Variants in IL1RL1 observed in about 807,000 individuals in gnomAD.
IL1RL1 encodes the protein interleukin-1 receptor-like 1.
A neutral mutation model predicts 50.9 loss-of-function variants in IL1RL1; 32 were observed. That is an observed-to-expected ratio of 0.63 (90% CI 0.47 to 0.84). The LOEUF (loss-of-function observed/expected upper bound fraction) is 0.84, where lower values mean the gene tolerates loss of function less well. Among genes scored for constraint, IL1RL1 ranks in the 40% least tolerant of loss-of-function variants. The pLI is 0.00. For missense variants in IL1RL1, 773 were observed against 662.9 expected (o/e 1.17, Z -1.82); for synonymous variants, 275 against 236.0 (o/e 1.17, Z -1.51).
intron 1 of IL1RL1, among the ~76,000 whole-genome samples, chr2:102,331,096 A>G (rs759600161): frequency 6.6e-6 from 1 of 152,202 alleles, no homozygotes; most frequent in Non-Finnish European, 1.5e-5. Flanking sequence ...TTTGATCAAC[A>G]TGTCTGTCTT....
chr2:102,323,275 T>TATATATATATATATATATATATATA (rs1559596435), intron 1 of IL1RL1, among the ~76,000 whole-genome samples: 49 of 28,638 alleles, frequency 1.7e-3, no homozygotes, highest in African/African-American at 5.5e-3. Context: ...ATATATATAG[T>TATATATATATATATATATATATATA]GTGTGTGTGT....
At chr2:102,337,255 A>G (rs1164265416) in intron 1 of IL1RL1, 1 of 152,310 alleles carries the variant, frequency 6.6e-6, no homozygotes. Context: ...TGAGTAGTCT[A>G]TGAGGAGGGA....
In IL1RL1 at chr2:102,328,676, G is replaced by A. The variant is rs138538820; in HGVS notation, c.-149-9440G>A. Among the ~76,000 whole-genome samples, 590 of 152,204 alleles carry A rather than the reference G, an allele frequency of 3.9e-3. 3 individuals are homozygous for A. Among genetic ancestry groups the A allele is most frequent in the East Asian group, 0.032 (168 of 5,180 alleles). On this transcript the variant is annotated intron_variant, in intron 1 of 10. Coordinates refer to ENST00000233954, the MANE Select transcript of IL1RL1 (RefSeq NM_016232.5). ...GATAAAAAATCAACGTGCAAAAATC[G>A]CAAGCATTCTTATACACCAATAACA...
chr2:102,337,876 G>A (rs1252302901), intron 1 of IL1RL1, among the ~76,000 whole-genome samples: 1 of 152,068 alleles, frequency 6.6e-6, no homozygotes, highest in Non-Finnish European at 1.5e-5. Context: ...CATGAGACTG[G>A]TGAAATATAA....
At chr2:102,312,271 TA>T (rs1676540411) in intron 1 of IL1RL1, among the ~76,000 whole-genome samples, 1 of 147,530 alleles carries the variant, frequency 6.8e-6, no homozygotes, top group Non-Finnish European at 1.5e-5. Context: ...GCCTATAATA[TA>T]ATATATAATG....
chr2:102,332,437 T>C (rs1328459059), intron 1 of IL1RL1, among the ~76,000 whole-genome samples: 6 of 152,224 alleles, frequency 3.9e-5, no homozygotes, highest in East Asian at 3.9e-4. Context: ...ATAAACAAAG[T>C]GTGGTAGGCA....
intron 1 of IL1RL1, among the ~76,000 whole-genome samples, chr2:102,313,772 A>G (rs1246297858): frequency 6.6e-6 from 1 of 152,156 alleles, no homozygotes; most frequent in Non-Finnish European, 1.5e-5. Flanking sequence ...ACAATGCAGG[A>G]GTCTTACAAC....
rs141035765 is a variant in IL1RL1, at chr2:102,320,170, A to G, written c.-150+8547A>G. ...GCAAAAAACTGTTTGGTGCCTATAC[A>G]ATGCCTTATCGCACAGCTTTGGTTT... On this transcript the variant is annotated intron_variant, in intron 1 of 10. Coordinates refer to ENST00000233954, the MANE Select transcript of IL1RL1 (RefSeq NM_016232.5). Among the ~76,000 whole-genome samples the G allele has an allele frequency of 8.7e-4, 132 of 152,294 alleles. 2 individuals are homozygous for G. The highest frequency in any genetic ancestry group is 1.2e-3 in the South Asian group (6 of 4,822).
In IL1RL1 at chr2:102,345,481, C is replaced by T. The variant is rs150228811; in HGVS notation, c.970+2066C>T. 6.1e-6 allele frequency: 6 copies of T among 985,362 alleles called. 1 individual carries two copies. In the East Asian group the frequency reaches 6.8e-4, roughly 112 times the overall value. The allele number at this position is 985,362 out of a possible 1,614,324, so 61.0% of individuals were successfully genotyped here. A position where few individuals can be genotyped will look rare whatever the true frequency, so the allele number is the denominator to read the frequency against. On this transcript the variant is annotated intron_variant, in intron 8 of 10. Coordinates refer to ENST00000233954, the MANE Select transcript of IL1RL1 (RefSeq NM_016232.5). ...TTGTTTAATGTGCCTGTCAAATAGC[C>T]AAAGAGTGTTAAACCCTGAGTTCCC... is the stretch of plus-strand genomic sequence containing the variant.
At chr2:102,326,534 T>C (rs1677004252) in intron 1 of IL1RL1, among the ~76,000 whole-genome samples, 1 of 152,044 alleles carries the variant, frequency 6.6e-6, no homozygotes, top group African/African-American at 2.4e-5. Flanking sequence ...GGCTAAGTGC[T>C]CCAATTAAAA....
intron 8 of IL1RL1, chr2:102,345,468 C>G (rs551427143): frequency 1.0e-6 from 1 of 985,246 alleles, no homozygotes; most frequent in Non-Finnish European, 1.2e-6. Context: ...GTTTAATGTG[C>G]CTGTCAAATA....
At chr2:102,332,439 T>G (rs1677202163) in intron 1 of IL1RL1, among the ~76,000 whole-genome samples, 1 of 152,176 alleles carries the variant, frequency 6.6e-6, no homozygotes, top group Admixed American at 6.5e-5. Flanking sequence ...AAACAAAGTG[T>G]GGTAGGCACA....
intron 1 of IL1RL1, among the ~76,000 whole-genome samples, chr2:102,328,460 C>T: frequency 6.6e-6 from 1 of 152,248 alleles, no homozygotes; most frequent in Non-Finnish European, 1.5e-5. Context: ...CAGGGATGCC[C>T]TCTCTCACCA....
chr2:102,333,283 G>A (rs1677223641), intron 1 of IL1RL1, among the ~76,000 whole-genome samples: 1 of 152,162 alleles, frequency 6.6e-6, no homozygotes, highest in Admixed American at 6.5e-5. Context: ...GGACAAGGAT[G>A]GTGGCATTGA....
chr2:102,344,700 T>C lies in IL1RL1; in HGVS notation c.970+1285T>C, dbSNP rs543602714. The C allele has an allele frequency of 7.7e-6, 7 of 909,286 alleles. No homozygotes were observed. In the South Asian group the frequency reaches 2.6e-4, roughly 33 times the overall value. The allele number at this position is 909,286 out of a possible 1,614,324, so 56.3% of individuals were successfully genotyped here. The stretch of plus-strand genomic sequence containing the variant: ...AGTGCTCAGCTAAATATTTGTTGAC[T>C]GAATAAATGAATGCACAACCAAATT... On this transcript the variant is annotated intron_variant, in intron 8 of 10. Transcript: ENST00000233954.
intron 1 of IL1RL1, among the ~76,000 whole-genome samples, chr2:102,316,720 T>C (rs1422868177): frequency 6.6e-6 from 1 of 152,220 alleles, no homozygotes; most frequent in Non-Finnish European, 1.5e-5. Flanking sequence ...ATTTCCCTTC[T>C]GTTACATGAT....
At chr2:102,338,529 A>G (rs570044507) in intron 2 of IL1RL1, among the ~76,000 whole-genome samples, 4 of 152,346 alleles carry the variant, frequency 2.6e-5, no homozygotes, top group African/African-American at 7.2e-5. Context: ...TTGGCTTTGC[A>G]TATTCAAATG....
At chr2:102,351,492 G>T in intron 10 of IL1RL1, 44 bp from the exon 11 acceptor site, 1 of 1,542,504 alleles carries the variant, frequency 6.5e-7, no homozygotes, top group Non-Finnish European at 8.9e-7. Flanking sequence ...TATGTTTAAA[G>T]CATTAGACTG....
At chr2:102,336,362 A>G (rs1677326881) in intron 1 of IL1RL1, among the ~76,000 whole-genome samples, 1 of 152,204 alleles carries the variant, frequency 6.6e-6, no homozygotes, top group South Asian at 2.1e-4. Context: ...GAATGAAGGA[A>G]TTAATACATG....
Sources: allele counts gnomAD v4.1 joint callset (sites outside exome capture counted in the v4.1 genomes callset), GRCh38; gene constraint gnomAD v4.1.1; transcripts MANE v1.5; gene names NCBI Gene and HGNC (gene_info 2026-07-23, HGNC 2026-07-21).